The following MYOF variants were observed in gnomAD, a reference collection of about 807,000 sequenced individuals.
The protein encoded by MYOF is myoferlin, also known as fer-1-like 3, myoferlin.
MYOF carries 244 observed loss-of-function variants against 284.2 expected under a neutral mutation model. That is an observed-to-expected ratio of 0.86 (90% CI 0.77 to 0.95). MYOF has a LOEUF of 0.95. Ranked by LOEUF, MYOF falls within the 40% of genes least tolerant of loss-of-function variation. MYOF has a pLI of 0.00. For synonymous variants in MYOF, 904 were observed against 919.7 expected (o/e 0.98, Z 0.31); for missense variants, 2,496 against 2,560.6 (o/e 0.97, Z 0.54).
At chr10:93,455,352 G>A (rs975815444) in intron 2 of MYOF, among the ~76,000 whole-genome samples, 1 of 151,946 alleles carries the variant, frequency 6.6e-6, no homozygotes, top group East Asian at 1.9e-4. Context: ...GCATTAAAAA[G>A]TTTTTTGTTT....
At position 93,443,468 on chromosome 10, in the gene MYOF, CTCTCTG is replaced by C. The variant is rs1238707670; in HGVS notation, c.236+8576_236+8581del. Among the ~76,000 whole-genome samples the C allele has an allele frequency of 9.9e-4, 113 of 114,710 alleles. 1 individual carries two copies. The highest frequency in any genetic ancestry group is 5.7e-3 in the South Asian group (17 of 2,966). The allele number at this position is 114,710 out of a possible 152,430, so 75.3% of individuals were successfully genotyped here. A position where few individuals can be genotyped will look rare whatever the true frequency, so the allele number is the denominator to read the frequency against. ...CTCTTTCTTCTCTCTCTCTCTCTCT[CTCTCTG>C]TGTGTGTGTGTGTGTGTGTGTGTGT... On this transcript the variant is annotated intron_variant, in intron 3 of 53. Transcript: ENST00000359263.
At chr10:93,405,091 A>G (rs7342094) in intron 7 of MYOF, among the ~76,000 whole-genome samples, 13,435 of 151,890 alleles carry the variant, frequency 0.088, 813 homozygotes, top group African/African-American at 0.17. Context: ...ATGTTCACCA[A>G]TTGTTCCATT....
At chr10:93,404,661 A>G (rs889245043) in intron 7 of MYOF, among the ~76,000 whole-genome samples, 1 of 151,432 alleles carries the variant, frequency 6.6e-6, no homozygotes, top group Non-Finnish European at 1.5e-5. Flanking sequence ...AAAAAAAAAA[A>G]AGGGAAAAAG....
At chr10:93,388,132 C>T (rs570757784) in intron 18 of MYOF, among the ~76,000 whole-genome samples, 1 of 148,788 alleles carries the variant, frequency 6.7e-6, no homozygotes, top group Admixed American at 6.9e-5. Context: ...CCTTGGGATG[C>T]TAGGGCTGAA....
chr10:93,423,693 C>A (rs180798205), intron 5 of MYOF, among the ~76,000 whole-genome samples: 1 of 150,902 alleles, frequency 6.6e-6, no homozygotes, highest in Admixed American at 6.6e-5. Flanking sequence ...ATTAGCTGGA[C>A]GTGGTGGCGG....
At chr10:93,307,396 C>T (rs111433718) in intron 53 of MYOF, among the ~76,000 whole-genome samples, 7 of 151,586 alleles carry the variant, frequency 4.6e-5, no homozygotes, top group African/African-American at 1.5e-4. Flanking sequence ...CCCAGGTTCA[C>T]GCCATGCCAT....
intron 1 of MYOF, among the ~76,000 whole-genome samples, chr10:93,463,790 T>G (rs2056940062): frequency 6.7e-6 from 1 of 149,288 alleles, no homozygotes; most frequent in African/African-American, 2.5e-5. Flanking sequence ...GAGGATTGCT[T>G]GAGCTTGGGA....
At chr10:93,457,066 G>A (rs987280341) in intron 1 of MYOF, 129 bp from the exon 2 acceptor site, 40 of 661,604 alleles carry the variant, frequency 6.0e-5, no homozygotes, top group Admixed American at 1.2e-4. Context: ...CATCGCTTAG[G>A]ATGGGTGTTT....
chr10:93,479,814 G>GA (rs1351545027), intron 1 of MYOF, among the ~76,000 whole-genome samples: 2 of 152,096 alleles, frequency 1.3e-5, no homozygotes, highest in African/African-American at 4.8e-5. Context: ...CGATTTGTAT[G>GA]AAAAAAGGAG....
At chr10:93,309,552 G>A (rs1056289622) in intron 53 of MYOF, among the ~76,000 whole-genome samples, 16 of 152,180 alleles carry the variant, frequency 1.1e-4, no homozygotes, top group Admixed American at 6.5e-5. Flanking sequence ...ATAGGTAAGG[G>A]CAATAATATT....
At chr10:93,319,224 G>T (rs1363277252) in intron 49 of MYOF, among the ~76,000 whole-genome samples, 2 of 152,242 alleles carry the variant, frequency 1.3e-5, no homozygotes, top group Non-Finnish European at 2.9e-5. Context: ...GTGAGCTGAG[G>T]CTGCCACTGT....
intron 29 of MYOF, among the ~76,000 whole-genome samples, chr10:93,359,002 T>C (rs1646150232): frequency 6.6e-6 from 1 of 152,154 alleles, no homozygotes; most frequent in East Asian, 1.9e-4. Flanking sequence ...GATTATTTAC[T>C]GGGAGCATAT....
In MYOF at chr10:93,370,314, A is replaced by ATTTTTTTTTTTTT. The variant is rs916555324; in HGVS notation, c.2458-551_2458-539dup. Among the ~76,000 whole-genome samples, 241 of 122,388 alleles carry ATTTTTTTTTTTTT rather than the reference A, an allele frequency of 2.0e-3. 16 individuals are homozygous for ATTTTTTTTTTTTT. Among genetic ancestry groups the ATTTTTTTTTTTTT allele is most frequent in the African/African-American group, 8.3e-3 (234 of 28,240 alleles). 80.3% of individuals were successfully genotyped at this position (122,388 alleles called of 152,430 possible). ...GTTGATCAAGCAGTAATGATTACTA[A>ATTTTTTTTTTTTT]TTTTTTTTTTTTTTTTTTTTTGAGA... On this transcript the variant is annotated intron_variant, in intron 24 of 53. Coordinates refer to ENST00000359263, the MANE Select transcript of MYOF (RefSeq NM_013451.4).
rs1169327503 is a variant in MYOF at position 93,448,187 on chromosome 10, G to T, written c.236+3863C>A. On this transcript the variant is annotated intron_variant, in intron 3 of 53. Transcript: ENST00000359263. ...CTTTGCACTTGCTATTCTCTGCCCA[G>T]AATATTCTTCCCCCCTACTCCCTAA... is the stretch of plus-strand genomic sequence containing the variant. Among the ~76,000 whole-genome samples the T allele has an allele frequency of 3.9e-5, 6 of 152,054 alleles. No homozygotes were observed. The East Asian group carries it at 1.2e-3, about 29-fold the overall frequency.
In MYOF at chr10:93,314,128, AC is replaced by A. The variant is rs758238102; in HGVS notation, c.5699-919del. 3.2e-4 allele frequency among the ~76,000 whole-genome samples: 49 copies of A among 151,620 alleles called. 1 individual carries two copies. The highest frequency in any genetic ancestry group is 6.9e-4 in the Non-Finnish European group (47 of 67,926). Reference sequence around the variant, plus strand: ...TTTTGAGACTGAGTCTCTCTCTATAACCCAGGCTGGAGTACAGTGATGTGAT... The same window carrying A: ...TTTTGAGACTGAGTCTCTCTCTATAACCAGGCTGGAGTACAGTGATGTGAT... On this transcript the variant is annotated intron_variant, in intron 50 of 53. Transcript: ENST00000359263.
At position 93,451,741 on chromosome 10, in the gene MYOF, G is replaced by A. The variant is rs541799403; in HGVS notation, c.236+309C>T. Among the ~76,000 whole-genome samples the A allele has an allele frequency of 4.6e-5, 7 of 152,300 alleles. No homozygotes were observed. The South Asian group carries it at 1.4e-3, about 32-fold the overall frequency. On this transcript the variant is annotated intron_variant, in intron 3 of 53. Coordinates refer to ENST00000359263, the MANE Select transcript of MYOF (RefSeq NM_013451.4). ...CTACAGTTCAGATAAACTGCCAGAG[G>A]TAGGAAGTGCAGTTGACCAAGAAGT...
intron 7 of MYOF, among the ~76,000 whole-genome samples, chr10:93,407,281 C>T (rs1018020199): frequency 1.3e-5 from 2 of 151,658 alleles, no homozygotes; most frequent in Non-Finnish European, 2.9e-5. Context: ...CAAATATTAG[C>T]TGAGCGTGGT....
intron 1 of MYOF, among the ~76,000 whole-genome samples, chr10:93,472,846 A>T (rs1478301470): frequency 6.6e-6 from 1 of 152,182 alleles, no homozygotes; most frequent in Non-Finnish European, 1.5e-5. Context: ...AATGTCCCCC[A>T]GGACTCTGTA....
intron 3 of MYOF, among the ~76,000 whole-genome samples, chr10:93,446,875 G>A (rs1185946945): frequency 1.3e-5 from 2 of 151,818 alleles, no homozygotes; most frequent in Non-Finnish European, 2.9e-5. Flanking sequence ...GCACAACCAC[G>A]CCCAGCTAAT....
Sources: allele counts gnomAD v4.1 joint callset (sites outside exome capture counted in the v4.1 genomes callset), GRCh38; gene constraint gnomAD v4.1.1; transcripts MANE v1.5; gene names NCBI Gene and HGNC (gene_info 2026-07-23, HGNC 2026-07-21).